The following COL7A1 variants were observed in gnomAD, a reference collection of about 807,000 sequenced individuals.
COL7A1 encodes the protein collagen alpha-1(VII) chain.
A neutral mutation model predicts 456.2 loss-of-function variants in COL7A1; 296 were observed. That is an observed-to-expected ratio of 0.65 (90% CI 0.59 to 0.71). The LOEUF (loss-of-function observed/expected upper bound fraction) is 0.71, where lower values mean the gene tolerates loss of function less well. Among genes scored for constraint, COL7A1 ranks in the 30% least tolerant of loss-of-function variants. The probability of loss-of-function intolerance (pLI) is 0.00; values close to 1 mark genes in which losing one functional copy is unlikely to be tolerated. For missense variants in COL7A1, 3,441 were observed against 4,017.2 expected, an observed-to-expected ratio of 0.86 and a Z score of 3.88; for synonymous variants, 1,464 against 1,525.9, an observed-to-expected ratio of 0.96 and a Z score of 0.95.
chr3:48,571,434 T>C lies in COL7A1; in HGVS notation c.7069-156A>G. 4.6e-6 allele frequency: 4 copies of C among 871,604 alleles called. No individual in the cohort carries two copies. The highest frequency in any genetic ancestry group is 7.6e-6 in the Non-Finnish European group (4 of 526,358). The allele number at this position is 871,604 out of a possible 1,614,324, so 54.0% of individuals were successfully genotyped here. A position where few individuals can be genotyped will look rare whatever the true frequency, so the allele number is the denominator to read the frequency against. ...GAATTGGCTCACAGGAGCTCAGACA[T>C]GACCATGGCCTATCTCAGGACAGCA... On this transcript the variant is annotated intron_variant, in intron 92 of 118. Coordinates refer to ENST00000681320, the MANE Select transcript of COL7A1 (RefSeq NM_000094.4). The surrounding 1 kb of genome is among the most constrained non-coding windows in gnomAD (Gnocchi z 4.6).
chr3:48,585,058 G>T lies in COL7A1; in HGVS notation c.3953C>A (p.Thr1318Asn), dbSNP rs749973992. 6.2e-7 allele frequency: 1 copy of T among 1,612,914 alleles called. No homozygotes were observed. The highest frequency in any genetic ancestry group is 1.1e-5 in the South Asian group (1 of 91,062). ...GSPGRAGNPG[T>N]PGAPGLKGSP... ...CACCTTTAGGCCAGGGGCTCCAGGG[G>T]TCCCAGGATTCCCGGCGCGGCCAGG... Residue 1318 changes from threonine (T) to asparagine (N), a missense_variant, in exon 33 of 119, where the codon ACC becomes AAC. Thr to Asn is a moderately conservative substitution (Grantham distance 65, BLOSUM62 0). This residue lies in a region of COL7A1 where 2,084 missense variants were observed against 2,501.3 expected (regional missense o/e 0.83). Coordinates refer to ENST00000681320, the MANE Select transcript of COL7A1 (RefSeq NM_000094.4). The surrounding 1 kb of genome is among the most constrained non-coding windows in gnomAD (Gnocchi z 4.5).
Position 48,588,126 on chromosome 3 carries a change from C to T in COL7A1, c.2710+156G>A, listed in dbSNP as rs1025366935. Among the ~76,000 whole-genome samples the T allele has an allele frequency of 6.6e-6, 1 of 152,130 alleles. No individual in the cohort carries two copies. The highest frequency in any genetic ancestry group is 1.5e-5 in the Non-Finnish European group (1 of 68,016). The stretch of plus-strand genomic sequence containing the variant: ...CTGACCCTCCATGAACTCATTGATC[C>T]CACCCACTTCATTGATTGATCTTAC... On this transcript the variant is annotated intron_variant, in intron 21 of 118. Transcript: ENST00000681320. The surrounding 1 kb of genome is among the most constrained non-coding windows in gnomAD (Gnocchi z 4.6).
chr3:48,576,581 G>A, intron 68 of COL7A1, 24 bp from the exon 69 acceptor site: 1 of 1,602,798 alleles, frequency 6.2e-7, no homozygotes, highest in Non-Finnish European at 8.5e-7. Flanking sequence ...GAACACAAAG[G>A]GGTCACAAAG....
chr3:48,585,096 C>T lies in COL7A1; in HGVS notation c.3915G>A (p.Gly1305=), dbSNP rs768522122. The T allele has an allele frequency of 6.2e-7, 1 of 1,611,624 alleles. No individual in the cohort carries two copies. The highest frequency in any genetic ancestry group is 8.5e-7 in the Non-Finnish European group (1 of 1,179,804). The stretch of plus-strand genomic sequence containing the variant: ...CGGCGCGGCCAGGGCTGCCTGGACG[C>T]CCATCTGCTCCAGGGAAGCCCTGAG... ...KGERGFPGAD[G]RPGSPGRAGN... Residue 1305 remains glycine (G), a synonymous_variant, in exon 33 of 119, where the codon GGG becomes GGA. Transcript: ENST00000681320. The surrounding 1 kb of genome is among the most constrained non-coding windows in gnomAD (Gnocchi z 4.5).
Position 48,591,568 on chromosome 3 carries a change from A to G in COL7A1, c.1532T>C (p.Val511Ala), listed in dbSNP as rs2045702024. Residue 511 changes from valine (V) to alanine (A), a missense_variant, in exon 13 of 119, where the codon GTA becomes GCA. Transcript: ENST00000681320. The surrounding 1 kb of genome is among the most constrained non-coding windows in gnomAD (Gnocchi z 7.0). ...PTGPELPVSP[V>A]TDLQATELPG... Reference sequence around the variant, plus strand: ...CAGCTCGGTGGCTTGCAGGTCTGTTACAGGGCTCACAGGCAGCTCTGGTCC... The same window carrying G: ...CAGCTCGGTGGCTTGCAGGTCTGTTGCAGGGCTCACAGGCAGCTCTGGTCC... 6.2e-7 allele frequency: 1 copy of G among 1,613,724 alleles called. No individual in the cohort carries two copies. The highest frequency in any genetic ancestry group is 8.5e-7 in the Non-Finnish European group (1 of 1,179,972).
Position 48,587,801 on chromosome 3 carries a change from G to A in COL7A1, c.2849C>T (p.Ala950Val), listed in dbSNP as rs373686143. 32 of 1,613,184 alleles carry A rather than the reference G, an allele frequency of 2.0e-5. No homozygotes were observed. The highest frequency in any genetic ancestry group is 1.6e-4 in the Middle Eastern group (1 of 6,082). Residue 950 changes from alanine (A) to valine (V), a missense_variant, in exon 22 of 119, where the codon GCG (alanine) becomes GTG (valine). Around this residue, in one of 3 missense-constraint regions of COL7A1, gnomAD observed 444 missense variants for 427.6 expected, o/e 1.04. Coordinates refer to ENST00000681320, the MANE Select transcript of COL7A1 (RefSeq NM_000094.4). The surrounding 1 kb of genome is among the most constrained non-coding windows in gnomAD (Gnocchi z 6.1). ...AGEGPSAEVT[A>V]RTESPRVPSI... ...AGGTGAGGCAGGCTTACCAGTGCGCGCAGTCACCTCTGCAGAGGGCCCTTC... is the reference window on the plus strand; with the variant it reads ...AGGTGAGGCAGGCTTACCAGTGCGCACAGTCACCTCTGCAGAGGGCCCTTC...
Position 48,580,466 on chromosome 3 carries a change from G to C in COL7A1, c.5052+115C>G. ...CAGATGCGTGTGTGCAGGGGTCAAA[G>C]GAAGTGAAGATTGGGAGGGTTTAGC... On this transcript the variant is annotated intron_variant, in intron 55 of 118. Coordinates refer to ENST00000681320, the MANE Select transcript of COL7A1 (RefSeq NM_000094.4). This position sits in a 1 kb window ranked among gnomAD's most constrained non-coding sequence, Gnocchi z 4.5. 2 of 1,475,494 alleles carry C rather than the reference G, an allele frequency of 1.4e-6. No homozygotes were observed. Among genetic ancestry groups the C allele is most frequent in the South Asian group, 2.4e-5 (2 of 84,816 alleles). 91.4% of individuals were successfully genotyped at this position (1,475,494 alleles called of 1,614,324 possible).
In COL7A1 at chr3:48,580,623, A is replaced by C; in HGVS notation, c.5010T>G (p.Gly1670=). 6.2e-7 allele frequency: 1 copy of C among 1,613,622 alleles called. No homozygotes were observed. The highest frequency in any genetic ancestry group is 8.5e-7 in the Non-Finnish European group (1 of 1,179,890). ...RGAPGVRGPV[G]EKGDQGDPGE... Reference sequence around the variant, plus strand: ...CAGGATCTCCCTGGTCTCCCTTTTCACCCACAGGCCCCCGAACTCCAGGTG... The same window carrying C: ...CAGGATCTCCCTGGTCTCCCTTTTCCCCCACAGGCCCCCGAACTCCAGGTG... Residue 1670 remains glycine, a synonymous_variant, in exon 55 of 119, where the codon GGT becomes GGG. Coordinates refer to ENST00000681320, the MANE Select transcript of COL7A1 (RefSeq NM_000094.4). The surrounding 1 kb of genome is among the most constrained non-coding windows in gnomAD (Gnocchi z 4.5).
In COL7A1 at chr3:48,568,803, C is replaced by T. The variant is rs1348989620; in HGVS notation, c.7739G>A (p.Arg2580His). 9.5e-6 allele frequency: 15 copies of T among 1,573,056 alleles called. No homozygotes were observed. The highest frequency in any genetic ancestry group is 2.3e-5 in the East Asian group (1 of 43,036). ...ACTTGCCTGGGGTCCCAGGAGTCCA[C>T]GCAGTCCTGGCAACCCGGCTGAGCC... Reference protein sequence around the residue: ...DKGSAGLPGLRGLLGPQGQPG... With the variant: ...DKGSAGLPGLHGLLGPQGQPG... The change falls in exon 104 of 119, where the codon CGT becomes CAT. Residue 2580 changes from arginine (R) to histidine (H), a missense_variant. By Grantham distance (29) the Arg-to-His change is conservative. Transcript: ENST00000681320. This position sits in a 1 kb window ranked among gnomAD's most constrained non-coding sequence, Gnocchi z 5.2.
Position 48,594,696 on chromosome 3 carries a change from T to C in COL7A1, c.86-148A>G, listed in dbSNP as rs1472666508. 1.0e-5 allele frequency: 10 copies of C among 965,350 alleles called. No homozygotes were observed. The highest frequency in any genetic ancestry group is 3.3e-5 in the African/African-American group (2 of 61,304). The allele number at this position is 965,350 out of a possible 1,614,324, so 59.8% of individuals were successfully genotyped here. On this transcript the variant is annotated intron_variant, in intron 2 of 118. Transcript: ENST00000681320. This position sits in a 1 kb window ranked among gnomAD's most constrained non-coding sequence, Gnocchi z 5.5. ...CCGAATCGGCCTGAGCCTGAGGGCC[T>C]TGGAGGGAGTTGAGCTCGGTGGGTC...
Position 48,587,049 on chromosome 3 carries a change from G to A in COL7A1, c.3199C>T (p.His1067Tyr), listed in dbSNP as rs200562295. The A allele has an allele frequency of 3.4e-5, 54 of 1,609,486 alleles. No individual in the cohort carries two copies. In the African/African-American group the frequency reaches 3.6e-4, roughly 11 times the overall value. ...FLPHATQDNA[H>Y]RAEATRRVLE... Reference sequence around the variant, plus strand: ...ACCCTCCTCGTAGCCTCCGCACGGTGAGCATTGTCTTGAGTGGCATGTGGT... The same window carrying A: ...ACCCTCCTCGTAGCCTCCGCACGGTAAGCATTGTCTTGAGTGGCATGTGGT... Residue 1067 changes from histidine (H) to tyrosine (Y), a missense_variant, in exon 25 of 119, where the codon CAC becomes TAC. His to Tyr is a moderately conservative substitution (Grantham distance 83, BLOSUM62 2). Coordinates refer to ENST00000681320, the MANE Select transcript of COL7A1 (RefSeq NM_000094.4). This position sits in a 1 kb window ranked among gnomAD's most constrained non-coding sequence, Gnocchi z 6.1.
Position 48,577,859 on chromosome 3 carries a change from G to A in COL7A1, c.5532+462C>T, listed in dbSNP as rs142405771. ...TCCCTATGTGTCTGTGAGGCTGCCT[G>A]TGTGTGCATATAGAACTATGTTTCC... On this transcript the variant is annotated intron_variant, in intron 65 of 118. Transcript: ENST00000681320. Among the ~76,000 whole-genome samples, 10 of 152,344 alleles carry A rather than the reference G, an allele frequency of 6.6e-5. No homozygotes were observed. In the East Asian group the frequency reaches 1.7e-3, roughly 26 times the overall value.
chr3:48,567,225 C>T lies in COL7A1; in HGVS notation c.8047-35G>A, dbSNP rs189838334. On this transcript the variant is annotated intron_variant, in intron 109 of 118. Transcript: ENST00000681320. This position sits in a 1 kb window ranked among gnomAD's most constrained non-coding sequence, Gnocchi z 4.3. ...GAAGAAGCATGAGAGACCTTCTGCC[C>T]TGACCTCCCTCAGCTCTGGAACCTC... 747 of 1,612,276 alleles carry T rather than the reference C, an allele frequency of 4.6e-4. 5 individuals are homozygous for T. In the African/African-American group the frequency reaches 8.8e-3, roughly 19 times the overall value.
At position 48,565,348 on chromosome 3, in the gene COL7A1, G is replaced by T; in HGVS notation, c.8527+62C>A. On this transcript the variant is annotated intron_variant, in intron 116 of 118. Transcript: ENST00000681320. This position sits in a 1 kb window ranked among gnomAD's most constrained non-coding sequence, Gnocchi z 4.5. ...TGCTTGGCGTGTGCCCTGCATTCAT[G>T]GACACCCATGTGCGTGTCTCGGCCC... 1 of 1,533,532 alleles carries T rather than the reference G, an allele frequency of 6.5e-7. No individual in the cohort carries two copies. Among genetic ancestry groups the T allele is most frequent in the South Asian group, 1.2e-5 (1 of 85,606 alleles). 95.0% of individuals were successfully genotyped at this position (1,533,532 alleles called of 1,614,324 possible). A position where few individuals can be genotyped will look rare whatever the true frequency, so the allele number is the denominator to read the frequency against.
intron 71 of COL7A1, 120 bp from the exon 72 acceptor site, chr3:48,576,022 C>T (rs1325153320): frequency 1.0e-5 from 16 of 1,528,530 alleles, no homozygotes; most frequent in Non-Finnish European, 1.2e-5. Context: ...CCAGAGCACC[C>T]TTTAGCACTT....
rs1210036160 is a variant in COL7A1, at chr3:48,581,168, T to TA, written c.4900-12_4900-11insT. Reference sequence around the variant, plus strand: ...CTCTCCAACTTCACCCTGTGAAACATGAGAGTCAGCCCTGGTTCCAAGAAC... The same window carrying TA: ...CTCTCCAACTTCACCCTGTGAAACATAGAGAGTCAGCCCTGGTTCCAAGAAC... On this transcript the variant is annotated splice_polypyrimidine_tract_variant and intron_variant, in intron 52 of 118. Transcript: ENST00000681320. The surrounding 1 kb of genome is among the most constrained non-coding windows in gnomAD (Gnocchi z 5.8). 3 of 1,613,462 alleles carry TA rather than the reference T, an allele frequency of 1.9e-6. No homozygotes were observed. Among genetic ancestry groups the TA allele is most frequent in the African/African-American group, 2.7e-5 (2 of 75,006 alleles).
rs199805705 is a variant in COL7A1 at position 48,572,839 on chromosome 3, C to G, written c.6831+23G>C. 133 of 1,613,646 alleles carry G rather than the reference C, an allele frequency of 8.2e-5. No individual in the cohort carries two copies. In the African/African-American group the frequency reaches 1.6e-3, roughly 19 times the overall value. On this transcript the variant is annotated intron_variant, in intron 87 of 118. Coordinates refer to ENST00000681320, the MANE Select transcript of COL7A1 (RefSeq NM_000094.4). The surrounding 1 kb of genome is among the most constrained non-coding windows in gnomAD (Gnocchi z 4.6). ...CCCACAGCTGGGCACCACACCCTAG[C>G]GAGCTGCCCCCAGAACACATACTGG...
chr3:48,592,658 A>G lies in COL7A1; in HGVS notation c.888T>C (p.Gly296=), dbSNP rs1575492483. Residue 296 remains glycine (G), a synonymous_variant, in exon 8 of 119, where the codon GGT becomes GGC. Coordinates refer to ENST00000681320, the MANE Select transcript of COL7A1 (RefSeq NM_000094.4). The surrounding 1 kb of genome is among the most constrained non-coding windows in gnomAD (Gnocchi z 7.6). The part of the protein sequence containing the change: ...PAGETSVRLR[G]LRPLTEYQVT... ...CTTGGTACTCGGTCAGTGGCCGGAG[A>G]CCCCGCAGCCGCACACTGGTCTCAC... is the stretch of plus-strand genomic sequence containing the variant. The G allele has an allele frequency of 6.2e-7, 1 of 1,613,496 alleles. No individual in the cohort carries two copies. Among genetic ancestry groups the G allele is most frequent in the Non-Finnish European group, 8.5e-7 (1 of 1,179,946 alleles).
chr3:48,590,929 G>A lies in COL7A1; in HGVS notation c.1637-113C>T, dbSNP rs1442294118. 1.3e-5 allele frequency: 15 copies of A among 1,131,968 alleles called. No individual in the cohort carries two copies. Among genetic ancestry groups the A allele is most frequent in the Non-Finnish European group, 1.8e-5 (14 of 774,352 alleles). 70.1% of individuals were successfully genotyped at this position (1,131,968 alleles called of 1,614,324 possible). A position where few individuals can be genotyped will look rare whatever the true frequency, so the allele number is the denominator to read the frequency against. On this transcript the variant is annotated intron_variant, in intron 13 of 118. Transcript: ENST00000681320. The surrounding 1 kb of genome is among the most constrained non-coding windows in gnomAD (Gnocchi z 4.6). ...AGAAGGGCCATGGGGGTGGGGATGTGGGGTGGTGGGGACCAGAGAGCTGGG... is the reference window on the plus strand; with the variant it reads ...AGAAGGGCCATGGGGGTGGGGATGTAGGGTGGTGGGGACCAGAGAGCTGGG...
Sources: gnomAD v4.1 joint callset for allele counts (sites outside exome capture counted in the v4.1 genomes callset) on GRCh38, gnomAD v4.1.1 for gene constraint, gnomAD v4.1.1 regional missense constraint, Gnocchi (gnomAD v3.1) non-coding constraint, MANE v1.5 for transcripts, NCBI Gene and HGNC (gene_info 2026-07-23, HGNC 2026-07-21) for gene names.